The following IFT88 variants were observed in gnomAD, a reference collection of about 807,000 sequenced individuals.
IFT88 encodes the protein intraflagellar transport 88.
IFT88 carries 74 observed loss-of-function variants against 119.5 expected under a neutral mutation model. The ratio of observed to expected loss-of-function variants is 0.62; its 90% CI spans 0.51 to 0.75. IFT88 has a LOEUF of 0.75. Among genes scored for constraint, IFT88 ranks in the 30% least tolerant of loss-of-function variants. The probability of loss-of-function intolerance (pLI) is 0.00; values close to 1 mark genes in which losing one functional copy is unlikely to be tolerated. For synonymous variants in IFT88, 279 were observed against 316.7 expected (o/e 0.88, Z 1.26); for missense variants, 961 against 977.7 (o/e 0.98, Z 0.23).
At chr13:20,654,356 CA>C (rs1034929818) in intron 21 of IFT88, among the ~76,000 whole-genome samples, 4 of 152,054 alleles carry the variant, frequency 2.6e-5, no homozygotes, top group African/African-American at 9.7e-5. Context: ...TTTTTTATAC[CA>C]AAGATCACTG....
At chr13:20,594,930 T>C (rs901396532) in intron 7 of IFT88, among the ~76,000 whole-genome samples, 2 of 152,240 alleles carry the variant, frequency 1.3e-5, no homozygotes, top group South Asian at 2.1e-4. Flanking sequence ...TATTCTGATA[T>C]AGCAGTAGTA....
rs1196263503 is a variant in IFT88 at position 20,625,782 on chromosome 13, T to G, written c.1232T>G (p.Val411Gly). The change falls in exon 15 of 26, where the codon GTA becomes GGA. Residue 411 changes from valine to glycine, a missense_variant. Transcript: ENST00000351808. ...GAAGTGGTGAAAGCTTCTCAATATG[T>G]AGAGCTAGCCAATGATCTGGAAATA... ...CVEVVKASQY[V>G]ELANDLEINK... 1 of 1,606,394 alleles carries G rather than the reference T, an allele frequency of 6.2e-7. No homozygotes were observed. Among genetic ancestry groups the G allele is most frequent in the Non-Finnish European group, 8.5e-7 (1 of 1,177,868 alleles).
At chr13:20,591,352 G>T (rs775576917) in intron 5 of IFT88, among the ~76,000 whole-genome samples, 19 of 152,116 alleles carry the variant, frequency 1.2e-4, no homozygotes, top group Non-Finnish European at 2.5e-4. Context: ...GCATGTAAGA[G>T]ACCAACCAAA....
At position 20,596,157 on chromosome 13, in the gene IFT88, G is replaced by A. The variant is rs764712905; in HGVS notation, c.406G>A (p.Glu136Lys). Residue 136 changes from glutamate (E) to lysine (K), a missense_variant, in exon 8 of 26, where the codon GAA becomes AAA. Physicochemically the swap from Glu to Lys is moderately conservative, Grantham distance 56. Coordinates refer to ENST00000351808, the MANE Select transcript of IFT88 (RefSeq NM_006531.5). Reference protein sequence around the residue: ...LEAKKKDSPEEKIKQLEKEVN... With the variant: ...LEAKKKDSPEKKIKQLEKEVN... The stretch of plus-strand genomic sequence containing the variant: ...TGCTTTTGTCTTTAATAGCCCAGAG[G>A]AAAAAATAAAGCAATTAGAGAAGGA... The A allele has an allele frequency of 2.8e-5, 41 of 1,484,146 alleles. No homozygotes were observed. The South Asian group carries it at 5.3e-4, about 19-fold the overall frequency. The allele number at this position is 1,484,146 out of a possible 1,614,324, so 91.9% of individuals were successfully genotyped here.
chr13:20,653,301 G>A (rs7319026), intron 20 of IFT88, among the ~76,000 whole-genome samples: 138,098 of 152,214 alleles, frequency 0.91, 62,792 homozygotes, highest in East Asian at 1. Context: ...AAAAAATGAG[G>A]CGAGCATAAA....
chr13:20,669,843 C>G (rs557836838), intron 23 of IFT88, among the ~76,000 whole-genome samples: 1 of 152,110 alleles, frequency 6.6e-6, no homozygotes, highest in Non-Finnish European at 1.5e-5. Context: ...TTTGCTACAT[C>G]TTTTTAAGAT....
In IFT88 at chr13:20,628,156, T is replaced by G. The variant is rs185747392; in HGVS notation, c.1299+2307T>G. Among the ~76,000 whole-genome samples the G allele has an allele frequency of 9.8e-5, 15 of 152,342 alleles. No individual in the cohort carries two copies. In the East Asian group the frequency reaches 2.7e-3, roughly 27 times the overall value. The stretch of plus-strand genomic sequence containing the variant: ...ACAATTCAAAGTGAAAAAGAAAAAT[T>G]TATGCCTTCTGTGAGGATATAGTTC... On this transcript the variant is annotated intron_variant, in intron 15 of 25. Coordinates refer to ENST00000351808, the MANE Select transcript of IFT88 (RefSeq NM_006531.5).
At chr13:20,591,760 C>A in intron 6 of IFT88, 79 bp downstream of exon 6, 2 of 892,082 alleles carry the variant, frequency 2.2e-6, no homozygotes, top group Admixed American at 2.4e-5. Flanking sequence ...ATATTACTGT[C>A]ATTTTAAATA....
At chr13:20,580,350 T>A (rs1482458588) in intron 2 of IFT88, among the ~76,000 whole-genome samples, 1 of 152,112 alleles carries the variant, frequency 6.6e-6, no homozygotes, top group Non-Finnish European at 1.5e-5. Context: ...AAGTTCTGTC[T>A]CTACTAAAAT....
chr13:20,613,479 T>C (rs917701595), intron 13 of IFT88, among the ~76,000 whole-genome samples: 1 of 152,036 alleles, frequency 6.6e-6, no homozygotes, highest in Non-Finnish European at 1.5e-5. Flanking sequence ...TAAATGCTGA[T>C]GGTAGGAGTA....
chr13:20,607,434 A>C (rs186789653), intron 13 of IFT88: 1 of 657,120 alleles, frequency 1.5e-6, no homozygotes, highest in Non-Finnish European at 2.9e-6. Flanking sequence ...AAGCAGAGCA[A>C]CAAGGTGTAC....
intron 20 of IFT88, among the ~76,000 whole-genome samples, chr13:20,653,247 G>A (rs370497509): frequency 6.6e-6 from 1 of 152,232 alleles, no homozygotes. Context: ...AGGAACTGAG[G>A]TTTTCTTTGA....
At chr13:20,663,263 G>T in intron 22 of IFT88, 1 of 1,458,502 alleles carries the variant, frequency 6.9e-7, no homozygotes, top group Non-Finnish European at 9.1e-7. Context: ...TTCCTTCTAG[G>T]TTCTGGCAGC....
In IFT88 at chr13:20,631,076, A is replaced by G. The variant is rs764319985; in HGVS notation, c.1360A>G (p.Thr454Ala). Residue 454 changes from threonine to alanine, a missense_variant, in exon 16 of 26, where the codon ACC becomes GCC. Physicochemically the swap from Thr to Ala is moderately conservative, Grantham distance 58. Coordinates refer to ENST00000351808, the MANE Select transcript of IFT88 (RefSeq NM_006531.5). ...KDSRVKSAAA[T>A]NLSALYYMGK... ...CAGTAGAGTGAAAAGTGCAGCTGCA[A>G]CCAATCTCTCAGCCCTGTATTATAT... The G allele has an allele frequency of 6.2e-7, 1 of 1,604,516 alleles. No homozygotes were observed. The highest frequency in any genetic ancestry group is 1.7e-5 in the Admixed American group (1 of 60,014).
At position 20,663,653 on chromosome 13, in the gene IFT88, A is replaced by C. The variant is rs868675510; in HGVS notation, c.2175+49A>C. ...GCAGTCTGTTAATTTTTAGAATGTC[A>C]GCCTTCTATAGCTCAAATGTGTGAT... On this transcript the variant is annotated intron_variant, in intron 23 of 25. Transcript: ENST00000351808. 13 of 1,263,112 alleles carry C rather than the reference A, an allele frequency of 1.0e-5. No homozygotes were observed. The Middle Eastern group carries it at 9.3e-4, about 90-fold the overall frequency. The allele number at this position is 1,263,112 out of a possible 1,614,324, so 78.2% of individuals were successfully genotyped here.
chr13:20,593,486 T>G (rs2041086694), intron 7 of IFT88, among the ~76,000 whole-genome samples: 1 of 151,918 alleles, frequency 6.6e-6, no homozygotes, highest in Non-Finnish European at 1.5e-5. Context: ...TATACTGTTT[T>G]GCTTCTATAG....
chr13:20,607,565 C>G (rs2043718882), intron 13 of IFT88: 2 of 730,800 alleles, frequency 2.7e-6, no homozygotes, highest in African/African-American at 1.7e-5. Context: ...CCAAAAAGAT[C>G]TTGAGAGATT....
chr13:20,688,310 G>A (rs535741579), intron 24 of IFT88, among the ~76,000 whole-genome samples: 2 of 152,286 alleles, frequency 1.3e-5, no homozygotes, highest in South Asian at 4.1e-4. Context: ...TCACACCATC[G>A]CACTCCAGCT....
At chr13:20,632,274 C>T (rs2048317849) in intron 16 of IFT88, 1 of 151,776 alleles carries the variant, frequency 6.6e-6, no homozygotes, top group Non-Finnish European at 1.5e-5. Context: ...TTCTATGATT[C>T]TTAGAGGAAA....
Sources: gnomAD v4.1 joint callset for allele counts (sites outside exome capture counted in the v4.1 genomes callset) on GRCh38, gnomAD v4.1.1 for gene constraint, MANE v1.5 for transcripts, NCBI Gene and HGNC (gene_info 2026-07-23, HGNC 2026-07-21) for gene names.